KEL: variants seen among roughly 807,000 people sequenced by gnomAD.
KEL encodes Kell metallo-endopeptidase (Kell blood group).
Under a neutral mutation model 99.5 loss-of-function variants are expected in KEL, and 96 were observed. That is an observed-to-expected ratio of 0.97 (90% CI 0.82 to 1.14). KEL has a LOEUF of 1.14. KEL is among the 50% of genes most tolerant of loss of function. KEL has a pLI of 0.00. For synonymous variants in KEL, 355 were observed against 354.8 expected (o/e 1.00, Z -0.01); for missense variants, 926 against 924.2 (o/e 1.00, Z -0.03).
intron 10 of KEL, among the ~76,000 whole-genome samples, chr7:142,947,619 C>T (rs1021763853): frequency 2.0e-5 from 3 of 152,136 alleles, no homozygotes; most frequent in Non-Finnish European, 4.4e-5. Context: ...GGTGCAATCT[C>T]GGCTCACTGC....
chr7:142,941,299 C>T lies in KEL; in HGVS notation c.2152G>A (p.Ala718Thr). ...TPAFARYFRC[A>T]RGALLNPSSR... ...GAGGGGTTCAAGAGAGCACCACGTG[C>T]ACAGCGGAAATACCTGGCAAAGGCT... The change falls in exon 19 of 19, where the codon GCA becomes ACA. Residue 718 changes from alanine to threonine, a missense_variant. Coordinates refer to ENST00000355265, the MANE Select transcript of KEL (RefSeq NM_000420.3). 1.2e-6 allele frequency: 2 copies of T among 1,614,086 alleles called. No individual in the cohort carries two copies. Among genetic ancestry groups the T allele is most frequent in the Middle Eastern group, 1.7e-4 (1 of 6,060 alleles).
intron 17 of KEL, among the ~76,000 whole-genome samples, 155 bp downstream of exon 17, chr7:142,942,720 G>A (rs1300146365): frequency 6.6e-6 from 1 of 152,238 alleles, no homozygotes; most frequent in Non-Finnish European, 1.5e-5. Flanking sequence ...TCTGGGGTAG[G>A]AGGGGGATCC....
In KEL at chr7:142,943,197, C is replaced by G. The variant is rs537335736; in HGVS notation, c.1771+79G>C. 1.5e-4 allele frequency: 243 copies of G among 1,568,522 alleles called. 2 individuals carry two copies. The South Asian group carries it at 2.6e-3, about 17-fold the overall frequency. ...CCACCTCAAACCCTCAAATAACCTC[C>G]CTTTCCCCTCCAGGCCTCCCTTGTG... On this transcript the variant is annotated intron_variant, in intron 16 of 18. Coordinates refer to ENST00000355265, the MANE Select transcript of KEL (RefSeq NM_000420.3).
chr7:142,952,753 G>T, intron 9 of KEL, 115 bp from the exon 10 acceptor site: 1 of 1,199,372 alleles, frequency 8.3e-7, no homozygotes, highest in Non-Finnish European at 1.2e-6. Context: ...CTTCTCCTCT[G>T]TATTAATAAG....
Position 142,943,809 on chromosome 7 carries a change from G to C in KEL, c.1566C>G (p.Ser522Arg). 1.2e-6 allele frequency: 2 copies of C among 1,614,166 alleles called. No individual in the cohort carries two copies. Among genetic ancestry groups the C allele is most frequent in the Non-Finnish European group, 8.5e-7 (1 of 1,180,002 alleles). ...VRSLRARIVQ[S>R]FLQPHPQHRW... ...TGTGTTGGGGGTGAGGCTGCAAGAA[G>C]CTCTGGACAATTCTAGCTCGGAGGG... Residue 522 changes from serine (S) to arginine (R), a missense_variant, in exon 14 of 19, where the codon AGC becomes AGG. Coordinates refer to ENST00000355265, the MANE Select transcript of KEL (RefSeq NM_000420.3).
chr7:142,961,846 C>G lies in KEL; in HGVS notation c.30G>C (p.Glu10Asp), dbSNP rs778690447. The G allele has an allele frequency of 4.3e-6, 7 of 1,614,150 alleles. No homozygotes were observed. Among genetic ancestry groups the G allele is most frequent in the South Asian group, 1.1e-5 (1 of 91,082 alleles). MEGGDQSEE[E>D]PRERSQAGGM... ...CACCTGCCTGGCTGCGTTCCCTCGG[C>G]TCTTCCTCACTTTGGTCCCCACCTT... is the stretch of plus-strand genomic sequence containing the variant. The change falls in exon 2 of 19, where the codon GAG (glutamate) becomes GAC (aspartate). Residue 10 changes from glutamate to aspartate, a missense_variant. Physicochemically the swap from Glu to Asp is conservative, Grantham distance 45. Coordinates refer to ENST00000355265, the MANE Select transcript of KEL (RefSeq NM_000420.3).
At chr7:142,946,601 A>G in intron 10 of KEL, 1 of 488,814 alleles carries the variant, frequency 2.0e-6, no homozygotes, top group Non-Finnish European at 3.7e-6. Flanking sequence ...TGGGGTTTCA[A>G]AAGCCTCCTG....
intron 6 of KEL, among the ~76,000 whole-genome samples, 196 bp downstream of exon 6, chr7:142,957,631 T>G (rs1432402227): frequency 6.6e-6 from 1 of 152,236 alleles, no homozygotes; most frequent in Non-Finnish European, 1.5e-5. Context: ...TTCCCAGCAC[T>G]GGCTCTGCTG....
At chr7:142,941,981 G>T (rs538195281) in intron 18 of KEL, 1 of 172,788 alleles carries the variant, frequency 5.8e-6, no homozygotes, top group South Asian at 1.5e-4. Context: ...GCTAAGTTTT[G>T]TATTTTTAGT....
In KEL at chr7:142,944,698, C is replaced by T. The variant is rs771907965; in HGVS notation, c.1358G>A (p.Arg453His). Residue 453 changes from arginine (R) to histidine (H), a missense_variant, in exon 12 of 19, where the codon CGC becomes CAC. Arg to His is a conservative substitution (Grantham distance 29). Transcript: ENST00000355265. ...FTAIRDALIT[R>H]LRNLPWMNEE... ...ATTCATCCAGGGAAGGTTTCTGAGG[C>T]GAGTGATGAGGGCATCCCGGATCGC... is the stretch of plus-strand genomic sequence containing the variant. 25 of 1,614,010 alleles carry T rather than the reference C, an allele frequency of 1.5e-5. No individual in the cohort carries two copies. Among genetic ancestry groups the T allele is most frequent in the South Asian group, 2.2e-5 (2 of 91,074 alleles).
chr7:142,962,256 C>G lies in KEL; in HGVS notation c.-50G>C. ...ATCCTTCCTGGTTCCACTCTAGGAG[C>G]TGATTCGGAGGACTGGGGTCCAGGA... is the stretch of plus-strand genomic sequence containing the variant. On this transcript the variant is annotated 5_prime_UTR_variant, in exon 1 of 19. Coordinates refer to ENST00000355265, the MANE Select transcript of KEL (RefSeq NM_000420.3). 1 of 1,612,162 alleles carries G rather than the reference C, an allele frequency of 6.2e-7. No homozygotes were observed. Among genetic ancestry groups the G allele is most frequent in the Non-Finnish European group, 8.5e-7 (1 of 1,178,172 alleles).
rs1226065005 is a variant in KEL, at chr7:142,961,437, A to G, written c.146T>C (p.Leu49Pro). 1.2e-6 allele frequency: 2 copies of G among 1,613,336 alleles called. No homozygotes were observed. The highest frequency in any genetic ancestry group is 1.3e-5 in the African/African-American group (1 of 74,940). Reference protein sequence around the residue: ...SRPWAVARRVLTAILILGLLL... With the variant: ...SRPWAVARRVPTAILILGLLL... ...CAGGCCCAAAATCAGGATAGCTGTC[A>G]GCACCCGCCTGGCCACTGCCCATGG... The change falls in exon 3 of 19, where the codon CTG becomes CCG. Residue 49 changes from leucine to proline, a missense_variant. Leu to Pro is a moderately conservative substitution (Grantham distance 98). Transcript: ENST00000355265.
intron 10 of KEL, chr7:142,946,643 G>A (rs963004736): frequency 3.1e-5 from 12 of 388,860 alleles, no homozygotes; most frequent in African/African-American, 1.4e-4. Flanking sequence ...CTCATACCTC[G>A]GCAGTCTGAT....
In KEL at chr7:142,961,872, C is replaced by T. The variant is rs1190597568; in HGVS notation, c.4G>A (p.Glu2Lys). The change falls in exon 2 of 19, where the codon GAA becomes AAA. Residue 2 changes from glutamate to lysine, a missense_variant and splice_region_variant. Coordinates refer to ENST00000355265, the MANE Select transcript of KEL (RefSeq NM_000420.3). ...TCTTCCTCACTTTGGTCCCCACCTT[C>T]CTGAAGTGAGTGGAGGGAGAAGGAG... M[E>K]GGDQSEEEPR... is the part of the protein sequence containing the mutation. The T allele has an allele frequency of 6.2e-7, 1 of 1,613,998 alleles. No individual in the cohort carries two copies. The highest frequency in any genetic ancestry group is 8.5e-7 in the Non-Finnish European group (1 of 1,179,886).
At chr7:142,948,424 T>C (rs1586256219) in intron 10 of KEL, among the ~76,000 whole-genome samples, 1 of 151,982 alleles carries the variant, frequency 6.6e-6, no homozygotes, top group African/African-American at 2.4e-5. Flanking sequence ...GAACCACAGA[T>C]AGTATTTGAG....
At chr7:142,950,083 T>A (rs1234566814) in intron 10 of KEL, among the ~76,000 whole-genome samples, 1 of 152,230 alleles carries the variant, frequency 6.6e-6, no homozygotes, top group East Asian at 1.9e-4. Flanking sequence ...ATTTTGATCA[T>A]ATCAAGGCCA....
intron 4 of KEL, 78 bp downstream of exon 4, chr7:142,960,850 G>A (rs1796937331): frequency 2.9e-6 from 4 of 1,380,712 alleles, no homozygotes; most frequent in Non-Finnish European, 1.0e-6. Flanking sequence ...CAACTACACA[G>A]GGTTTGGAGC....
intron 10 of KEL, among the ~76,000 whole-genome samples, chr7:142,950,761 C>G (rs1026580207): frequency 6.6e-6 from 1 of 152,154 alleles, no homozygotes; most frequent in Non-Finnish European, 1.5e-5. Context: ...CTATGTTGCC[C>G]TTTATAAAAA....
At chr7:142,960,684 G>C (rs1796933619) in intron 4 of KEL, among the ~76,000 whole-genome samples, 1 of 152,086 alleles carries the variant, frequency 6.6e-6, no homozygotes, top group South Asian at 2.1e-4. Context: ...GGGACCAAGA[G>C]AAACGGAAGA....
Sources: gnomAD v4.1 joint callset for allele counts (sites outside exome capture counted in the v4.1 genomes callset) on GRCh38, gnomAD v4.1.1 for gene constraint, MANE v1.5 for transcripts, NCBI Gene and HGNC (gene_info 2026-07-23, HGNC 2026-07-21) for gene names.